The following SYNRG variants were observed in gnomAD, a reference collection of about 807,000 sequenced individuals.
The protein encoded by SYNRG is AP1 gamma subunit binding protein 1.
Under a neutral mutation model 130.9 loss-of-function variants are expected in SYNRG, and 37 were observed. The observed-to-expected ratio is 0.28, with a 90% CI of 0.22 to 0.37. The LOEUF (loss-of-function observed/expected upper bound fraction) is 0.37, where lower values mean the gene tolerates loss of function less well. SYNRG is among the 10% of genes least tolerant of loss of function. SYNRG has a pLI of 1.00. For synonymous variants in SYNRG, 539 were observed against 568.1 expected, an observed-to-expected ratio of 0.95 and a Z score of 0.73; for missense variants, 1,338 against 1,588.9, an observed-to-expected ratio of 0.84 and a Z score of 2.68.
intron 10 of SYNRG, among the ~76,000 whole-genome samples, chr17:37,569,857 G>A (rs1424752197): frequency 6.6e-6 from 1 of 152,096 alleles, no homozygotes; most frequent in Non-Finnish European, 1.5e-5. Context: ...AAAGACAAAT[G>A]AGATTACACT....
chr17:37,531,442 A>G (rs8079983), intron 19 of SYNRG, among the ~76,000 whole-genome samples: 45,139 of 151,918 alleles, frequency 0.3, 6,852 homozygotes, highest in Middle Eastern at 0.42. Context: ...CTATTGAAAG[A>G]AAGTTGAAAA....
intron 6 of SYNRG, among the ~76,000 whole-genome samples, chr17:37,580,543 CTTGCTCTGTCGCCCAGACTG>C (rs1325762344): frequency 2.0e-4 from 24 of 120,742 alleles, no homozygotes; most frequent in Middle Eastern, 4.8e-3. Flanking sequence ...GAGACGGAGT[CTTGCTCTGTCGCCCAGACTG>C]TTGCTCTGTC....
intron 1 of SYNRG, among the ~76,000 whole-genome samples, chr17:37,604,072 T>C (rs937924448): frequency 6.6e-6 from 1 of 151,952 alleles, no homozygotes; most frequent in Admixed American, 6.6e-5. Context: ...GAAACCCTAT[T>C]TCTACTAAAA....
At chr17:37,546,632 C>G (rs1007467566) in intron 14 of SYNRG, among the ~76,000 whole-genome samples, 1 of 152,158 alleles carries the variant, frequency 6.6e-6, no homozygotes, top group African/African-American at 2.4e-5. Flanking sequence ...ATGTTGGCTG[C>G]TACTACAGGA....
intron 3 of SYNRG, among the ~76,000 whole-genome samples, chr17:37,594,967 G>A (rs1244713565): frequency 2.0e-5 from 3 of 152,196 alleles, no homozygotes; most frequent in Non-Finnish European, 4.4e-5. Flanking sequence ...TGTCCTGGCT[G>A]AGGGTCTTAG....
intron 3 of SYNRG, among the ~76,000 whole-genome samples, chr17:37,594,237 CAATATTAATTATTTTAATTATATTAATT>C (rs1598605002): frequency 1.5e-5 from 2 of 133,636 alleles, no homozygotes; most frequent in East Asian, 4.4e-4. Flanking sequence ...ATATTAATTA[CAATATTAATTATTTTAATTATATTAATT>C]ACAATAATAT....
chr17:37,560,318 T>C (rs1017155786), intron 13 of SYNRG, among the ~76,000 whole-genome samples: 4 of 150,770 alleles, frequency 2.7e-5, no homozygotes, highest in Admixed American at 6.6e-5. Flanking sequence ...TACTAGATAA[T>C]CCCCCATTCA....
chr17:37,541,824 T>G, intron 15 of SYNRG, 148 bp downstream of exon 15: 1 of 771,006 alleles, frequency 1.3e-6, no homozygotes, highest in Non-Finnish European at 2.1e-6. Flanking sequence ...GAAATCTTTA[T>G]TATAGCTATC....
intron 1 of SYNRG, among the ~76,000 whole-genome samples, chr17:37,607,329 G>C (rs2063836396): frequency 6.6e-6 from 1 of 152,064 alleles, no homozygotes; most frequent in Admixed American, 6.5e-5. Flanking sequence ...CTGAACCTGA[G>C]GTCCTCCCCA....
chr17:37,550,040 A>G (rs1367471882), intron 14 of SYNRG, among the ~76,000 whole-genome samples: 1 of 152,212 alleles, frequency 6.6e-6, no homozygotes, highest in Non-Finnish European at 1.5e-5. Flanking sequence ...TTGATGATAT[A>G]TATCTAATAA....
intron 8 of SYNRG, among the ~76,000 whole-genome samples, chr17:37,572,314 C>A (rs895998781): frequency 1.3e-5 from 2 of 151,998 alleles, no homozygotes; most frequent in African/African-American, 4.8e-5. Context: ...GTAAGCCCAG[C>A]TACTCAGGAG....
intron 19 of SYNRG, among the ~76,000 whole-genome samples, chr17:37,528,119 G>A (rs2056176730): frequency 6.6e-6 from 1 of 152,212 alleles, no homozygotes; most frequent in South Asian, 2.1e-4. Flanking sequence ...AGACTTGTCA[G>A]TTTCAGTCAA....
intron 15 of SYNRG, 84 bp from the exon 16 acceptor site, chr17:37,540,627 C>CTT: frequency 6.9e-6 from 6 of 864,494 alleles, no homozygotes; most frequent in South Asian, 2.4e-5. Context: ...CCACAACCCT[C>CTT]TTCTTTTTTT....
chr17:37,529,188 A>G (rs372390584), intron 19 of SYNRG, among the ~76,000 whole-genome samples: 1 of 152,236 alleles, frequency 6.6e-6, no homozygotes, highest in Non-Finnish European at 1.5e-5. Flanking sequence ...CATTTACCTC[A>G]TATTTGTTTA....
intron 19 of SYNRG, among the ~76,000 whole-genome samples, chr17:37,521,319 C>T (rs563862610): frequency 2.0e-5 from 3 of 152,176 alleles, no homozygotes; most frequent in East Asian, 1.9e-4. Flanking sequence ...CATAAGCCAC[C>T]GTGCCTGGCC....
rs2061289779 is a variant in SYNRG at position 37,581,032 on chromosome 17, G to C, written c.590-3419C>G. Among the ~76,000 whole-genome samples the C allele has an allele frequency of 1.3e-5, 2 of 152,164 alleles. 1 individual carries two copies. The highest frequency in any genetic ancestry group is 6.8e-3 in the Middle Eastern group (2 of 294). ...TTCTTGTGAAAAGCATCAATATTAG[G>C]ATATCATGAAGAGCTGAATCAAACA... On this transcript the variant is annotated intron_variant, in intron 6 of 21. Coordinates refer to ENST00000612223, the MANE Select transcript of SYNRG (RefSeq NM_007247.6).
rs192458323 is a variant in SYNRG at position 37,590,741 on chromosome 17, T to G, written c.241-4192A>C. Among the ~76,000 whole-genome samples the G allele has an allele frequency of 5.7e-4, 87 of 152,000 alleles. 1 individual carries two copies. In the East Asian group the frequency reaches 0.014, roughly 24 times the overall value. The stretch of plus-strand genomic sequence containing the variant: ...TTCGAGACCAGCCTGGCCGACATGG[T>G]GAAACCCCATCTCTACTAAAATACA... On this transcript the variant is annotated intron_variant, in intron 3 of 21. Transcript: ENST00000612223.
intron 19 of SYNRG, among the ~76,000 whole-genome samples, chr17:37,527,969 G>C (rs2056154360): frequency 6.6e-6 from 1 of 152,214 alleles, no homozygotes; most frequent in Non-Finnish European, 1.5e-5. Context: ...ACTGGAGAAA[G>C]TGATGCAGCT....
intron 19 of SYNRG, among the ~76,000 whole-genome samples, chr17:37,528,099 T>C (rs2056175315): frequency 6.6e-6 from 1 of 152,214 alleles, no homozygotes; most frequent in Non-Finnish European, 1.5e-5. Context: ...ATGATACAGA[T>C]TCAAATCACA....
Sources: gnomAD v4.1 joint callset for allele counts (sites outside exome capture counted in the v4.1 genomes callset) on GRCh38, gnomAD v4.1.1 for gene constraint, MANE v1.5 for transcripts, NCBI Gene and HGNC (gene_info 2026-07-23, HGNC 2026-07-21) for gene names.